CHD6: variants seen among roughly 807,000 people sequenced by gnomAD.
CHD6 encodes chromodomain helicase DNA binding protein 6.
Under a neutral mutation model 276.9 loss-of-function variants are expected in CHD6, and 50 were observed. The observed-to-expected ratio is 0.18, with a 90% CI of 0.14 to 0.23. The LOEUF (loss-of-function observed/expected upper bound fraction) is 0.23. Ranked by LOEUF, CHD6 falls within the 10% of genes least tolerant of loss-of-function variation. The pLI is 1.00. For synonymous variants in CHD6, 1,173 were observed against 1,229.3 expected (o/e 0.95, Z 0.96); for missense variants, 2,564 against 3,365.8 (o/e 0.76, Z 5.89).
At chr20:41,445,800 C>G in intron 24 of CHD6, 32 bp from the exon 25 acceptor site, 2 of 1,426,434 alleles carry the variant, frequency 1.4e-6, no homozygotes, top group South Asian at 2.3e-5. Context: ...CTCAAAACAA[C>G]ACAAAAGCTA....
rs1232137233 is a variant in CHD6 at position 41,420,525 on chromosome 20, C to T, written c.6110G>A (p.Gly2037Glu). ...TACTGTACCTTGACTATGGCAGTTTCCGTCTCTATCATAATCATCTTTATT... is the reference window on the plus strand; with the variant it reads ...TACTGTACCTTGACTATGGCAGTTTTCGTCTCTATCATAATCATCTTTATT... ...FENKDDYDRD[G>E]NCHSQDYPGK... Residue 2037 changes from glycine to glutamate, a missense_variant, in exon 31 of 37, where the codon GGA (glycine) becomes GAA (glutamate). By Grantham distance (98) the Gly-to-Glu change is moderately conservative. Transcript: ENST00000373233. 7.4e-6 allele frequency: 12 copies of T among 1,610,922 alleles called. No homozygotes were observed. The highest frequency in any genetic ancestry group is 1.6e-4 in the Middle Eastern group (1 of 6,076).
At position 41,555,576 on chromosome 20, in the gene CHD6, G is replaced by A. The variant is rs113143774; in HGVS notation, c.-23-4216C>T. The stretch of plus-strand genomic sequence containing the variant: ...CGGAGGGTCTCCTCACTTCTCAGAC[G>A]GGGCGGCCGGGCAGAGACGCTCCTC... On this transcript the variant is annotated intron_variant, in intron 1 of 36. Coordinates refer to ENST00000373233, the MANE Select transcript of CHD6 (RefSeq NM_032221.5). Among the ~76,000 whole-genome samples, 875 of 150,924 alleles carry A rather than the reference G, an allele frequency of 5.8e-3. 9 individuals are homozygous for A. The highest frequency in any genetic ancestry group is 0.015 in the African/African-American group (616 of 41,038).
chr20:41,592,088 G>C (rs866618348), intron 1 of CHD6, among the ~76,000 whole-genome samples: 1 of 152,148 alleles, frequency 6.6e-6, no homozygotes, highest in Non-Finnish European at 1.5e-5. Flanking sequence ...GACAGAGTGA[G>C]ACTCTGTATC....
intron 20 of CHD6, among the ~76,000 whole-genome samples, chr20:41,453,272 G>A (rs1298145163): frequency 6.6e-6 from 1 of 152,202 alleles, no homozygotes; most frequent in Admixed American, 6.5e-5. Flanking sequence ...AGAAAGACTG[G>A]AGTAGTGAAG....
chr20:41,578,552 C>T (rs556840971), intron 1 of CHD6, among the ~76,000 whole-genome samples: 8 of 151,906 alleles, frequency 5.3e-5, no homozygotes, highest in East Asian at 1.9e-4. Context: ...TAGGGGCAGG[C>T]GCCTATAATC....
Position 41,445,777 on chromosome 20 carries a change from G to A in CHD6, c.3774-9C>T. The stretch of plus-strand genomic sequence containing the variant: ...GAGGTACATCCAGCTCCCTAGGGAA[G>A]GAAGGGTGTAGACTCAAAACAACAC... On this transcript the variant is annotated splice_polypyrimidine_tract_variant and intron_variant, in intron 24 of 36. Transcript: ENST00000373233. 1.3e-6 allele frequency: 2 copies of A among 1,583,646 alleles called. No homozygotes were observed. Among genetic ancestry groups the A allele is most frequent in the Non-Finnish European group, 1.7e-6 (2 of 1,152,410 alleles).
At chr20:41,423,133 T>C (rs1287540406) in intron 30 of CHD6, among the ~76,000 whole-genome samples, 1 of 152,216 alleles carries the variant, frequency 6.6e-6, no homozygotes, top group Non-Finnish European at 1.5e-5. Flanking sequence ...TTATTAAGAC[T>C]TAATCTAAGG....
intron 2 of CHD6, among the ~76,000 whole-genome samples, chr20:41,536,098 A>T (rs2044824548): frequency 6.6e-6 from 1 of 152,242 alleles, no homozygotes; most frequent in Non-Finnish European, 1.5e-5. Flanking sequence ...TCTCAAGGTC[A>T]GCAAGGGAAA....
At chr20:41,513,142 T>C in intron 4 of CHD6, 147 bp from the exon 5 acceptor site, 3 of 867,166 alleles carry the variant, frequency 3.5e-6, no homozygotes, top group Non-Finnish European at 5.4e-6. Context: ...ACTCTTTTAA[T>C]AAAAGGACTA....
chr20:41,418,468 G>A (rs910414661), intron 31 of CHD6, among the ~76,000 whole-genome samples: 4 of 152,196 alleles, frequency 2.6e-5, no homozygotes, highest in African/African-American at 9.6e-5. Context: ...GATGAGGCTA[G>A]AGGGGTGGAA....
Position 41,421,746 on chromosome 20 carries a change from C to T in CHD6, c.4889G>A (p.Cys1630Tyr), listed in dbSNP as rs755238679. Reference protein sequence around the residue: ...RSGTQAPGNLCCLYQTNSKLY... With the variant: ...RSGTQAPGNLYCLYQTNSKLY... ...CTTGGAGTTGGTCTGGTAAAGGCAA[C>T]AGAGATTTCCTGGTGCCTGGGTGCC... The change falls in exon 31 of 37, where the codon TGT (cysteine) becomes TAT (tyrosine). Residue 1630 changes from cysteine to tyrosine, a missense_variant. Physicochemically the swap from Cys to Tyr is radical, Grantham distance 194 (BLOSUM62 -2). Coordinates refer to ENST00000373233, the MANE Select transcript of CHD6 (RefSeq NM_032221.5). The T allele has an allele frequency of 1.7e-5, 27 of 1,614,092 alleles. No homozygotes were observed. The highest frequency in any genetic ancestry group is 3.3e-5 in the Admixed American group (2 of 60,012).
At chr20:41,490,673 C>T (rs377256234) in intron 11 of CHD6, among the ~76,000 whole-genome samples, 13 of 151,818 alleles carry the variant, frequency 8.6e-5, no homozygotes, top group East Asian at 1.9e-4. Context: ...ACTAGCAGGG[C>T]GAGGTGGCAA....
At chr20:41,504,434 A>G (rs1235006488) in intron 5 of CHD6, among the ~76,000 whole-genome samples, 16 of 117,132 alleles carry the variant, frequency 1.4e-4, no homozygotes, top group Middle Eastern at 6.6e-3. Flanking sequence ...TTTAGACAGG[A>G]TCTCACTCTG....
At chr20:41,472,015 C>T (rs1229568326) in intron 17 of CHD6, among the ~76,000 whole-genome samples, 1 of 151,858 alleles carries the variant, frequency 6.6e-6, no homozygotes, top group Non-Finnish European at 1.5e-5. Flanking sequence ...GGGCGGATCA[C>T]CTGAGGTCAG....
At chr20:41,490,108 A>C (rs2043511735) in intron 11 of CHD6, 87 bp from the exon 12 acceptor site, 2 of 1,059,326 alleles carry the variant, frequency 1.9e-6, no homozygotes, top group Non-Finnish European at 2.8e-6. Context: ...TGCTTCACAT[A>C]CCTGTAAGAT....
At chr20:41,534,078 T>C (rs1201111695) in intron 2 of CHD6, among the ~76,000 whole-genome samples, 2 of 152,118 alleles carry the variant, frequency 1.3e-5, no homozygotes, top group East Asian at 3.8e-4. Context: ...TCCCTTTGGG[T>C]TTAGAAGTTA....
At chr20:41,432,295 G>A (rs1373555416) in intron 27 of CHD6, among the ~76,000 whole-genome samples, 1 of 151,820 alleles carries the variant, frequency 6.6e-6, no homozygotes, top group Non-Finnish European at 1.5e-5. Flanking sequence ...CAACAATGCA[G>A]AAGAAACTGT....
intron 1 of CHD6, among the ~76,000 whole-genome samples, chr20:41,589,315 G>T (rs2045630707): frequency 6.6e-6 from 1 of 152,124 alleles, no homozygotes; most frequent in Admixed American, 6.6e-5. Flanking sequence ...CACAAGACAG[G>T]GATGCCCTCT....
chr20:41,536,193 G>C (rs1265714134), intron 2 of CHD6, among the ~76,000 whole-genome samples: 2 of 152,160 alleles, frequency 1.3e-5, no homozygotes, highest in Non-Finnish European at 2.9e-5. Context: ...AAAAGGAACA[G>C]GTTGAAGATG....
Sources: gnomAD v4.1 joint callset for allele counts (sites outside exome capture counted in the v4.1 genomes callset) on GRCh38, gnomAD v4.1.1 for gene constraint, MANE v1.5 for transcripts, NCBI Gene and HGNC (gene_info 2026-07-23, HGNC 2026-07-21) for gene names.